COMMD1: variants seen among roughly 807,000 people sequenced by gnomAD.
COMMD1 encodes copper metabolism domain containing 1.
In COMMD1, 10 loss-of-function variants were observed where a neutral mutation model predicts 17.2. The ratio of observed to expected loss-of-function variants is 0.58; its 90% CI spans 0.36 to 0.99. COMMD1 has a LOEUF of 0.99. Among genes scored for constraint, COMMD1 ranks in the 50% least tolerant of loss-of-function variants. The probability of loss-of-function intolerance (pLI) is 0.01; values close to 1 mark genes in which losing one functional copy is unlikely to be tolerated. For synonymous variants in COMMD1, 97 were observed against 91.6 expected, an observed-to-expected ratio of 1.06 and a Z score of -0.34; for missense variants, 270 against 231.8, an observed-to-expected ratio of 1.17 and a Z score of -1.07.
chr2:61,963,156 T>C (rs1671405230), intron 1 of COMMD1, among the ~76,000 whole-genome samples: 1 of 136,112 alleles, frequency 7.3e-6, no homozygotes, highest in African/African-American at 3.1e-5. Context: ...TGAGACCCTG[T>C]CTCAAAAAAA....
chr2:62,132,611 A>C (rs1202186640), intron 2 of COMMD1, among the ~76,000 whole-genome samples: 1 of 152,140 alleles, frequency 6.6e-6, no homozygotes, highest in Non-Finnish European at 1.5e-5. Flanking sequence ...TTTGAAGGCC[A>C]AGGCAGGCAG....
chr2:61,905,879 C>T (rs775928189), intron 1 of COMMD1, 21 bp downstream of exon 1: 2 of 1,613,370 alleles, frequency 1.2e-6, no homozygotes, highest in Admixed American at 1.7e-5. Context: ...TTTCTGTAGT[C>T]TCCGGCTTGG....
intron 2 of COMMD1, among the ~76,000 whole-genome samples, chr2:62,045,884 C>T (rs924617372): frequency 6.6e-5 from 10 of 150,512 alleles, no homozygotes; most frequent in African/African-American, 2.4e-4. Flanking sequence ...TTACCAGTGA[C>T]CACCACCATG....
rs113070707 is a variant in COMMD1 at position 61,907,585 on chromosome 2, T to C, written c.180+1727T>C. Among the ~76,000 whole-genome samples the C allele has an allele frequency of 6.9e-4, 105 of 152,224 alleles. 1 individual carries two copies. Among genetic ancestry groups the C allele is most frequent in the East Asian group, 3.1e-3 (16 of 5,186 alleles). On this transcript the variant is annotated intron_variant, in intron 1 of 2. Transcript: ENST00000311832. Reference sequence around the variant, plus strand: ...GGTAATGCTTTAGAATCTCCAAACATTGGGGGCTACTTCTCCTCTCTAGGT... The same window carrying C: ...GGTAATGCTTTAGAATCTCCAAACACTGGGGGCTACTTCTCCTCTCTAGGT...
intron 1 of COMMD1, among the ~76,000 whole-genome samples, chr2:61,972,461 A>T (rs1305150969): frequency 6.6e-6 from 1 of 152,166 alleles, no homozygotes; most frequent in Non-Finnish European, 1.5e-5. Flanking sequence ...GTGTGTAATG[A>T]CTTCCTTCTA....
intron 1 of COMMD1, among the ~76,000 whole-genome samples, chr2:61,924,408 A>G (rs1485083295): frequency 9.1e-5 from 11 of 120,610 alleles, no homozygotes; most frequent in African/African-American, 3.2e-4. Flanking sequence ...GGGAAGAGAG[A>G]GGTAGAGTGG....
chr2:62,106,182 T>C (rs1445070877), intron 2 of COMMD1, among the ~76,000 whole-genome samples: 1 of 152,244 alleles, frequency 6.6e-6, no homozygotes, highest in African/African-American at 2.4e-5. Context: ...CAATTTTCAC[T>C]TGGGTGAAAC....
chr2:61,972,417 G>C (rs1345484710), intron 1 of COMMD1, among the ~76,000 whole-genome samples: 1 of 152,204 alleles, frequency 6.6e-6, no homozygotes, highest in Non-Finnish European at 1.5e-5. Context: ...CTCCAAGGAG[G>C]TGTCGCATAA....
chr2:61,999,295 GTCT>G (rs1391508803), intron 1 of COMMD1, among the ~76,000 whole-genome samples: 1 of 152,130 alleles, frequency 6.6e-6, no homozygotes, highest in Non-Finnish European at 1.5e-5. Flanking sequence ...TAGTTACTGT[GTCT>G]TCTTGGATGC....
chr2:61,968,089 A>T (rs976380500), intron 1 of COMMD1, among the ~76,000 whole-genome samples: 9 of 152,092 alleles, frequency 5.9e-5, no homozygotes, highest in Admixed American at 5.2e-4. Context: ...TGAACCCAGG[A>T]GGCAGAGGTT....
chr2:62,055,314 A>G, intron 2 of COMMD1: 2 of 413,534 alleles, frequency 4.8e-6, no homozygotes, highest in Admixed American at 2.9e-5. Context: ...AAAATAAGTA[A>G]AAAGGAAGAG....
At chr2:61,960,828 C>T (rs891475156) in intron 1 of COMMD1, among the ~76,000 whole-genome samples, 3 of 152,174 alleles carry the variant, frequency 2.0e-5, no homozygotes, top group African/African-American at 7.2e-5. Context: ...AGAAGTAGAC[C>T]ACCAAGGAAG....
At chr2:61,941,544 T>C (rs1396705741) in intron 1 of COMMD1, among the ~76,000 whole-genome samples, 1 of 152,302 alleles carries the variant, frequency 6.6e-6, no homozygotes, top group East Asian at 1.9e-4. Context: ...ATGAAGCATA[T>C]CAACTGTTTC....
intron 2 of COMMD1, among the ~76,000 whole-genome samples, chr2:62,003,238 AAAAAC>A (rs1263202077): frequency 2.0e-5 from 3 of 150,920 alleles, no homozygotes; most frequent in Admixed American, 6.6e-5. Context: ...CTCAAAAAAA[AAAAAC>A]AAAACAAAAC....
chr2:61,925,524 C>G (rs1408614320), intron 1 of COMMD1, among the ~76,000 whole-genome samples: 1 of 152,098 alleles, frequency 6.6e-6, no homozygotes, highest in Non-Finnish European at 1.5e-5. Flanking sequence ...TTCCTACGAC[C>G]TCCCCCTGTG....
intron 2 of COMMD1, among the ~76,000 whole-genome samples, chr2:62,099,124 G>C (rs1212049465): frequency 6.6e-6 from 1 of 152,168 alleles, no homozygotes; most frequent in African/African-American, 2.4e-5. Context: ...GGAGGGAGAA[G>C]GAAAAATGAA....
intron 1 of COMMD1, among the ~76,000 whole-genome samples, chr2:61,926,003 C>G (rs575294559): frequency 6.6e-6 from 1 of 151,316 alleles, no homozygotes; most frequent in Non-Finnish European, 1.5e-5. Context: ...CGGACTCTTG[C>G]TCTTTTGCCC....
chr2:61,953,354 G>A (rs1471136058), intron 1 of COMMD1, among the ~76,000 whole-genome samples: 2 of 147,804 alleles, frequency 1.4e-5, no homozygotes, highest in African/African-American at 5.0e-5. Flanking sequence ...ATTTATGTAA[G>A]TATTTCTTTT....
At chr2:61,942,435 A>G (rs1428894548) in intron 1 of COMMD1, among the ~76,000 whole-genome samples, 5 of 145,928 alleles carry the variant, frequency 3.4e-5, no homozygotes, top group African/African-American at 1.3e-4. Flanking sequence ...TTTTTGAGAC[A>G]GAGTCTTTCT....
Sources: gnomAD v4.1 joint callset for allele counts (sites outside exome capture counted in the v4.1 genomes callset) on GRCh38, gnomAD v4.1.1 for gene constraint, MANE v1.5 for transcripts, NCBI Gene and HGNC (gene_info 2026-07-23, HGNC 2026-07-21) for gene names.